Variants in EBF1 observed in about 807,000 individuals in gnomAD.
EBF1 encodes the protein EBF transcription factor 1.
In EBF1, 10 loss-of-function variants were observed where a neutral mutation model predicts 68.4. The ratio of observed to expected loss-of-function variants is 0.15; its 90% CI spans 0.09 to 0.25. The LOEUF is 0.25. Ranked by LOEUF, EBF1 falls within the 10% of genes least tolerant of loss-of-function variation. The pLI is 1.00. For synonymous variants in EBF1, 298 were observed against 299.8 expected, an observed-to-expected ratio of 0.99 and a Z score of 0.06; for missense variants, 509 against 794.4, an observed-to-expected ratio of 0.64 and a Z score of 4.32.
intron 4 of EBF1, among the ~76,000 whole-genome samples, chr5:159,087,325 C>CAT (rs200155972): frequency 1.5e-4 from 21 of 143,470 alleles, no homozygotes; most frequent in East Asian, 6.0e-4. Flanking sequence ...TATATATACA[C>CAT]ATATATATAT....
At chr5:158,985,404 G>A (rs984753394) in intron 6 of EBF1, among the ~76,000 whole-genome samples, 1 of 152,178 alleles carries the variant, frequency 6.6e-6, no homozygotes, top group Admixed American at 6.5e-5. Context: ...GCCAGTGTTG[G>A]TCTCTACCCC....
intron 6 of EBF1, among the ~76,000 whole-genome samples, chr5:158,878,521 C>G (rs1324091528): frequency 6.6e-6 from 1 of 152,164 alleles, no homozygotes. Context: ...ATTTAACCCC[C>G]ACAACAACAC....
chr5:158,991,462 T>G (rs1760306175), intron 6 of EBF1, among the ~76,000 whole-genome samples: 2 of 152,244 alleles, frequency 1.3e-5, no homozygotes, highest in South Asian at 4.1e-4. Context: ...TTTGTAGAGA[T>G]AGTCTCTTTA....
intron 6 of EBF1, among the ~76,000 whole-genome samples, chr5:158,912,887 G>GA (rs1806323559): frequency 6.6e-6 from 1 of 152,196 alleles, no homozygotes; most frequent in Non-Finnish European, 1.5e-5. Context: ...AGGTAGTATA[G>GA]ATGCTGACCG....
At chr5:158,901,525 A>T (rs1275658490) in intron 6 of EBF1, among the ~76,000 whole-genome samples, 1 of 152,156 alleles carries the variant, frequency 6.6e-6, no homozygotes, top group Non-Finnish European at 1.5e-5. Context: ...TCTTCATTCA[A>T]CATCCAACAC....
intron 6 of EBF1, among the ~76,000 whole-genome samples, chr5:158,866,580 A>G (rs751810431): frequency 6.6e-6 from 1 of 151,922 alleles, no homozygotes; most frequent in Non-Finnish European, 1.5e-5. Flanking sequence ...CTTGTCAACA[A>G]TTCAAAGCCC....
intron 10 of EBF1, among the ~76,000 whole-genome samples, chr5:158,750,477 C>G (rs1768573590): frequency 6.6e-6 from 1 of 151,644 alleles, no homozygotes; most frequent in African/African-American, 2.4e-5. Flanking sequence ...GGTAATTATC[C>G]AAAATGAATC....
At chr5:158,895,150 A>T (rs886477045) in intron 6 of EBF1, among the ~76,000 whole-genome samples, 1 of 152,214 alleles carries the variant, frequency 6.6e-6, no homozygotes, top group African/African-American at 2.4e-5. Flanking sequence ...AGGACTATGA[A>T]CATCAATAAT....
At chr5:158,948,917 T>C (rs905306147) in intron 6 of EBF1, among the ~76,000 whole-genome samples, 4 of 152,172 alleles carry the variant, frequency 2.6e-5, no homozygotes, top group African/African-American at 9.7e-5. Context: ...AAGTATGGAA[T>C]GGCTGCCTGC....
chr5:158,991,093 G>A (rs1278202394), intron 6 of EBF1, among the ~76,000 whole-genome samples: 1 of 152,204 alleles, frequency 6.6e-6, no homozygotes, highest in East Asian at 1.9e-4. Context: ...TGTACTATCT[G>A]TGTGATCTTG....
chr5:159,064,056 A>G (rs1312619007), intron 6 of EBF1, among the ~76,000 whole-genome samples: 1 of 152,188 alleles, frequency 6.6e-6, no homozygotes, highest in Non-Finnish European at 1.5e-5. Flanking sequence ...TGTTTTTTTC[A>G]AGCAAATACA....
intron 10 of EBF1, among the ~76,000 whole-genome samples, chr5:158,760,430 C>T (rs1771162239): frequency 6.6e-6 from 1 of 152,102 alleles, no homozygotes; most frequent in African/African-American, 2.4e-5. Flanking sequence ...AAATGAACCA[C>T]ACAACATAGG....
intron 6 of EBF1, chr5:158,982,979 C>T (rs1039940121): frequency 1.3e-5 from 2 of 152,140 alleles, no homozygotes; most frequent in Admixed American, 1.3e-4. Context: ...CAGGATCTGC[C>T]GCCCCTGGCA....
At chr5:158,747,886 G>A (rs868255991) in intron 10 of EBF1, among the ~76,000 whole-genome samples, 15 of 152,270 alleles carry the variant, frequency 9.9e-5, no homozygotes, top group Middle Eastern at 6.8e-3. Flanking sequence ...CCCTTAGGAC[G>A]ATAGAGGGGT....
chr5:158,884,039 C>T (rs1799499497), intron 6 of EBF1, among the ~76,000 whole-genome samples: 2 of 152,186 alleles, frequency 1.3e-5, no homozygotes, highest in Admixed American at 6.5e-5. Flanking sequence ...TAGTATGAAC[C>T]TGTTACAGCA....
intron 6 of EBF1, among the ~76,000 whole-genome samples, chr5:159,064,706 A>G (rs1776453067): frequency 6.6e-6 from 1 of 152,168 alleles, no homozygotes; most frequent in Admixed American, 6.5e-5. Context: ...CTCAGTGTTT[A>G]AAACCATATT....
At chr5:159,043,575 A>C (rs934431411) in intron 6 of EBF1, among the ~76,000 whole-genome samples, 6 of 152,194 alleles carry the variant, frequency 3.9e-5, no homozygotes, top group Non-Finnish European at 7.4e-5. Flanking sequence ...TCACTGTCTT[A>C]TTATTCTAGC....
At chr5:159,006,642 C>T (rs1763605512) in intron 6 of EBF1, among the ~76,000 whole-genome samples, 1 of 52,476 alleles carries the variant, frequency 1.9e-5, no homozygotes, top group Non-Finnish European at 3.3e-5. Context: ...CAATCATAGC[C>T]ATGTTAAAAA....
At chr5:158,704,175 A>C (rs1757356386) in intron 15 of EBF1, among the ~76,000 whole-genome samples, 1 of 152,288 alleles carries the variant, frequency 6.6e-6, no homozygotes, top group South Asian at 2.1e-4. Context: ...AGCTACCTTA[A>C]GGGTGGTTGG....
Sources: allele counts gnomAD v4.1 joint callset (sites outside exome capture counted in the v4.1 genomes callset), GRCh38; gene constraint gnomAD v4.1.1; transcripts MANE v1.5; gene names NCBI Gene and HGNC (gene_info 2026-07-23, HGNC 2026-07-21).